Variants in NFIA observed in about 807,000 individuals in gnomAD.
NFIA encodes the protein nuclear factor I A.
In NFIA, 8 loss-of-function variants were observed where a neutral mutation model predicts 62.8. The ratio of observed to expected loss-of-function variants is 0.13; its 90% CI spans 0.07 to 0.23. NFIA has a LOEUF of 0.23. Ranked by LOEUF, NFIA falls within the 10% of genes least tolerant of loss-of-function variation. The probability of loss-of-function intolerance (pLI) is 1.00; values close to 1 mark genes in which losing one functional copy is unlikely to be tolerated. For missense variants in NFIA, 410 were observed against 642.1 expected, an observed-to-expected ratio of 0.64 and a Z score of 3.91; for synonymous variants, 235 against 238.1, an observed-to-expected ratio of 0.99 and a Z score of 0.12.
Position 61,320,507 on chromosome 1 carries a change from C to T in NFIA, c.626-12005C>T, listed in dbSNP as rs1007232092. Among the ~76,000 whole-genome samples, 5 of 152,132 alleles carry T rather than the reference C, an allele frequency of 3.3e-5. No homozygotes were observed. The East Asian group carries it at 5.8e-4, about 18-fold the overall frequency. On this transcript the variant is annotated intron_variant, in intron 3 of 10. Coordinates refer to ENST00000403491, the MANE Select transcript of NFIA (RefSeq NM_001134673.4). ...GCTAGTTTTATTTTATATTTGGAGA[C>T]GTATATAATAGTACATTTAATATTT...
At chr1:61,277,103 T>C (rs1657850438) in intron 2 of NFIA, among the ~76,000 whole-genome samples, 2 of 152,236 alleles carry the variant, frequency 1.3e-5, no homozygotes, top group African/African-American at 2.4e-5. Context: ...TGCTTTTATA[T>C]ACCAGCTTCA....
At chr1:61,260,765 A>G (rs1656717552) in intron 2 of NFIA, among the ~76,000 whole-genome samples, 1 of 152,042 alleles carries the variant, frequency 6.6e-6, no homozygotes, top group Non-Finnish European at 1.5e-5. Context: ...TATTTTTAGT[A>G]GAGACGGGGT....
At chr1:61,229,419 G>A (rs1654531636) in intron 2 of NFIA, among the ~76,000 whole-genome samples, 1 of 152,060 alleles carries the variant, frequency 6.6e-6, no homozygotes, top group South Asian at 2.1e-4. Context: ...ATTTTCTCAT[G>A]TACATAGGCC....
intron 2 of NFIA, among the ~76,000 whole-genome samples, chr1:61,232,742 T>C (rs1654756271): frequency 6.6e-6 from 1 of 152,198 alleles, no homozygotes; most frequent in Admixed American, 6.5e-5. Flanking sequence ...GTTTAGTTTT[T>C]CCTGCTCTAA....
rs535429272 is a variant in NFIA at position 61,336,418 on chromosome 1, C to G, written c.700+3832C>G. Among the ~76,000 whole-genome samples the G allele has an allele frequency of 9.9e-5, 15 of 152,150 alleles. No individual in the cohort carries two copies. In the South Asian group the frequency reaches 2.9e-3, roughly 29 times the overall value. On this transcript the variant is annotated intron_variant, in intron 4 of 10. Coordinates refer to ENST00000403491, the MANE Select transcript of NFIA (RefSeq NM_001134673.4). ...TACAGTTTTAGGTTAACAGAAAGTA[C>G]AGAAGTCCCGTATACCCCTCCTCCA...
At chr1:61,453,584 C>T (rs1409585967) in intron 10 of NFIA, among the ~76,000 whole-genome samples, 1 of 151,612 alleles carries the variant, frequency 6.6e-6, no homozygotes, top group African/African-American at 2.4e-5. Flanking sequence ...GGGTGCCAGG[C>T]CTTTGCTTCA....
chr1:61,439,920 A>G (rs904001133), intron 10 of NFIA, among the ~76,000 whole-genome samples: 4 of 152,198 alleles, frequency 2.6e-5, no homozygotes, highest in East Asian at 3.9e-4. Flanking sequence ...TTTGAAAGAC[A>G]TTTCATTAAA....
intron 2 of NFIA, among the ~76,000 whole-genome samples, chr1:61,253,697 T>G (rs1570457968): frequency 6.6e-6 from 1 of 152,350 alleles, no homozygotes; most frequent in East Asian, 1.9e-4. Context: ...GCCAAAGGAC[T>G]GAAAGTTTGC....
intron 1 of NFIA, among the ~76,000 whole-genome samples, chr1:61,083,244 C>T (rs959382480): frequency 6.6e-6 from 1 of 152,106 alleles, no homozygotes; most frequent in African/African-American, 2.4e-5. Flanking sequence ...AGTGCCGCAG[C>T]GCCCGGGGAG....
chr1:61,201,681 A>G (rs929600574), intron 2 of NFIA, among the ~76,000 whole-genome samples: 2 of 152,196 alleles, frequency 1.3e-5, no homozygotes, highest in African/African-American at 4.8e-5. Flanking sequence ...TAATTTAATT[A>G]GAATGAATTT....
At chr1:61,247,168 A>T (rs1302120529) in intron 2 of NFIA, among the ~76,000 whole-genome samples, 5 of 152,166 alleles carry the variant, frequency 3.3e-5, no homozygotes, top group Admixed American at 3.3e-4. Flanking sequence ...TCTTAAAAGG[A>T]GCTTACAACT....
intron 1 of NFIA, 50 bp downstream of exon 1, chr1:61,082,868 C>G: frequency 6.7e-7 from 1 of 1,500,666 alleles, no homozygotes; most frequent in Non-Finnish European, 9.0e-7. Context: ...GCGCCGGGGG[C>G]AGGGCTGGGG....
chr1:61,122,750 C>T (rs1346234478), intron 2 of NFIA, among the ~76,000 whole-genome samples: 1 of 152,034 alleles, frequency 6.6e-6, no homozygotes, highest in Non-Finnish European at 1.5e-5. Context: ...AGATGAGCTG[C>T]TCATTTCTTT....
intron 2 of NFIA, among the ~76,000 whole-genome samples, chr1:61,218,131 CAGAA>C (rs1217242246): frequency 6.6e-6 from 1 of 152,154 alleles, no homozygotes. Context: ...GTAGGTAAAA[CAGAA>C]AGACACATAT....
At chr1:61,301,280 A>G (rs1427236617) in intron 3 of NFIA, among the ~76,000 whole-genome samples, 1 of 152,208 alleles carries the variant, frequency 6.6e-6, no homozygotes, top group Non-Finnish European at 1.5e-5. Flanking sequence ...GTGTAACTCA[A>G]TAAAAGTGAT....
chr1:61,346,926 C>G (rs1188239345), intron 4 of NFIA, among the ~76,000 whole-genome samples: 1 of 152,128 alleles, frequency 6.6e-6, no homozygotes, highest in Non-Finnish European at 1.5e-5. Flanking sequence ...AGGGGGAAGC[C>G]CCTTATAACA....
intron 3 of NFIA, among the ~76,000 whole-genome samples, chr1:61,329,713 G>A (rs1242541559): frequency 6.6e-6 from 1 of 152,164 alleles, no homozygotes. Context: ...ACTCCCTGAA[G>A]GTGGGAACTG....
At chr1:61,267,611 T>G (rs965787047) in intron 2 of NFIA, among the ~76,000 whole-genome samples, 11 of 152,346 alleles carry the variant, frequency 7.2e-5, no homozygotes, top group African/African-American at 2.2e-4. Flanking sequence ...TAAACCTCTC[T>G]TTATCTCACT....
At chr1:61,334,555 GTATATATA>G (rs56259392) in intron 4 of NFIA, among the ~76,000 whole-genome samples, 8,927 of 97,292 alleles carry the variant, frequency 0.092, 1,289 homozygotes, top group Admixed American at 0.18. Flanking sequence ...GTGTGTGTGT[GTATATATA>G]TATATATATA....
Sources: allele counts gnomAD v4.1 joint callset (sites outside exome capture counted in the v4.1 genomes callset), GRCh38; gene constraint gnomAD v4.1.1; transcripts MANE v1.5; gene names NCBI Gene and HGNC (gene_info 2026-07-23, HGNC 2026-07-21).